Variants in LRRTM4 observed in about 807,000 individuals in gnomAD.
LRRTM4 encodes the protein leucine-rich repeat transmembrane neuronal protein 4.
LRRTM4 carries 25 observed loss-of-function variants against 47.6 expected under a neutral mutation model. The observed-to-expected ratio is 0.53, with a 90% CI of 0.38 to 0.73. The LOEUF (loss-of-function observed/expected upper bound fraction) is 0.73, where lower values mean the gene tolerates loss of function less well. LRRTM4 is among the 30% of genes least tolerant of loss of function. The pLI is 0.00. For missense variants in LRRTM4, 638 were observed against 713.4 expected (o/e 0.89, Z 1.20); for synonymous variants, 311 against 269.5 (o/e 1.15, Z -1.51).
chr2:77,277,538 C>T lies in LRRTM4; in HGVS notation c.1551+240780G>A, dbSNP rs964312886. On this transcript the variant is annotated intron_variant, in intron 3 of 3. Coordinates refer to ENST00000409884, the MANE Select transcript of LRRTM4 (RefSeq NM_001134745.3). ...CAGATTTTCCATTTCTTTTCTCTACCAGCTTTCATCAAGAGAAAGTGAAGG... is the reference window on the plus strand; with the variant it reads ...CAGATTTTCCATTTCTTTTCTCTACTAGCTTTCATCAAGAGAAAGTGAAGG... Among the ~76,000 whole-genome samples the T allele has an allele frequency of 2.0e-5, 3 of 151,818 alleles. No individual in the cohort carries two copies. The Admixed American group carries it at 2.0e-4, about 10-fold the overall frequency.
At chr2:77,379,930 T>C (rs1672987687) in intron 3 of LRRTM4, among the ~76,000 whole-genome samples, 1 of 152,136 alleles carries the variant, frequency 6.6e-6, no homozygotes, top group Non-Finnish European at 1.5e-5. Flanking sequence ...TATTGTTTCA[T>C]AATTTACAGT....
chr2:76,762,313 C>T (rs1278565832), intron 3 of LRRTM4, among the ~76,000 whole-genome samples: 2 of 152,128 alleles, frequency 1.3e-5, no homozygotes, highest in African/African-American at 4.8e-5. Flanking sequence ...TTTTTCCTGG[C>T]CATCACCCAG....
chr2:77,191,547 T>C (rs1220626188), intron 3 of LRRTM4, among the ~76,000 whole-genome samples: 1 of 151,810 alleles, frequency 6.6e-6, no homozygotes, highest in African/African-American at 2.4e-5. Flanking sequence ...AAGTCACTAA[T>C]ACCAATTAAA....
intron 3 of LRRTM4, chr2:76,987,304 G>T (rs1676835683): frequency 6.6e-6 from 1 of 150,664 alleles, no homozygotes; most frequent in South Asian, 2.1e-4. Flanking sequence ...GTGACAAAGT[G>T]CACACTTTTC....
chr2:77,507,346 T>A lies in LRRTM4; in HGVS notation c.1551+10972A>T, dbSNP rs551091623. Among the ~76,000 whole-genome samples, 43 of 152,266 alleles carry A rather than the reference T, an allele frequency of 2.8e-4. No individual in the cohort carries two copies. The South Asian group carries it at 6.6e-3, about 23-fold the overall frequency. ...AAAACTCAGTGAGAAAGAGAATGAA[T>A]GCTATCTTCTTTCTGGCCCAAAGAT... On this transcript the variant is annotated intron_variant, in intron 3 of 3. Coordinates refer to ENST00000409884, the MANE Select transcript of LRRTM4 (RefSeq NM_001134745.3).
chr2:77,232,008 T>C (rs865982961), intron 3 of LRRTM4, among the ~76,000 whole-genome samples: 1 of 152,244 alleles, frequency 6.6e-6, no homozygotes, highest in Non-Finnish European at 1.5e-5. Flanking sequence ...AGATACATTT[T>C]CAAATAAATT....
At chr2:76,769,593 A>G (rs116334678) in intron 3 of LRRTM4, among the ~76,000 whole-genome samples, 184 of 152,290 alleles carry the variant, frequency 1.2e-3, no homozygotes, top group African/African-American at 4.3e-3. Flanking sequence ...AGTGTGTCCA[A>G]TGTTCTTTAT....
At chr2:77,475,742 C>T (rs1016952030) in intron 3 of LRRTM4, among the ~76,000 whole-genome samples, 1 of 45,068 alleles carries the variant, frequency 2.2e-5, no homozygotes, top group African/African-American at 8.2e-5. Flanking sequence ...TAAATAGTTA[C>T]TAATCTGGCA....
intron 3 of LRRTM4, among the ~76,000 whole-genome samples, chr2:76,876,096 T>A (rs1167847359): frequency 6.6e-6 from 1 of 152,100 alleles, no homozygotes; most frequent in Non-Finnish European, 1.5e-5. Flanking sequence ...GTGTTTTCCC[T>A]TGAGGTAAGA....
At chr2:77,094,744 A>G (rs866065872) in intron 3 of LRRTM4, among the ~76,000 whole-genome samples, 7 of 152,210 alleles carry the variant, frequency 4.6e-5, no homozygotes, top group Admixed American at 4.6e-4. Flanking sequence ...AAAGAATGAA[A>G]TTGGATACTT....
intron 3 of LRRTM4, among the ~76,000 whole-genome samples, chr2:76,822,409 G>A (rs1671078251): frequency 6.6e-6 from 1 of 151,016 alleles, no homozygotes; most frequent in Admixed American, 6.6e-5. Flanking sequence ...ATCAAAAAGA[G>A]GACAAGAGAG....
At chr2:76,755,361 A>T (rs753087521) in intron 3 of LRRTM4, among the ~76,000 whole-genome samples, 13 of 152,186 alleles carry the variant, frequency 8.5e-5, no homozygotes, top group Non-Finnish European at 1.8e-4. Flanking sequence ...TAAGCTCAAA[A>T]GTTAACTGTT....
intron 3 of LRRTM4, among the ~76,000 whole-genome samples, chr2:77,245,826 T>A (rs553622462): frequency 3.1e-4 from 47 of 152,322 alleles, no homozygotes; most frequent in Non-Finnish European, 5.9e-4. Context: ...TTTGTAGAGA[T>A]GCAATTTTAG....
chr2:77,126,095 TAC>T (rs1271730203), intron 3 of LRRTM4, among the ~76,000 whole-genome samples: 1 of 151,878 alleles, frequency 6.6e-6, no homozygotes, highest in Non-Finnish European at 1.5e-5. Context: ...AAATAACTGT[TAC>T]AGTCTCAAGA....
intron 3 of LRRTM4, among the ~76,000 whole-genome samples, chr2:77,124,266 T>C (rs769501529): frequency 1.4e-4 from 22 of 152,048 alleles, no homozygotes; most frequent in South Asian, 2.1e-4. Flanking sequence ...AAGAGACTGA[T>C]AGAATGTGGA....
At chr2:77,309,775 A>G (rs1427826930) in intron 3 of LRRTM4, among the ~76,000 whole-genome samples, 1 of 152,222 alleles carries the variant, frequency 6.6e-6, no homozygotes, top group Non-Finnish European at 1.5e-5. Context: ...CACCACAGCA[A>G]AAAGCTAAAA....
At chr2:77,499,351 G>A (rs1379958829) in intron 3 of LRRTM4, among the ~76,000 whole-genome samples, 8 of 151,856 alleles carry the variant, frequency 5.3e-5, no homozygotes, top group African/African-American at 1.9e-4. Flanking sequence ...GTGTCAATGG[G>A]AAGAAGAACT....
intron 3 of LRRTM4, among the ~76,000 whole-genome samples, chr2:76,767,417 A>G (rs1464052094): frequency 6.6e-6 from 1 of 152,170 alleles, no homozygotes; most frequent in African/African-American, 2.4e-5. Flanking sequence ...TCGGGTAGTA[A>G]TAGGATTCCC....
At chr2:77,225,105 A>G (rs1381637148) in intron 3 of LRRTM4, among the ~76,000 whole-genome samples, 1 of 151,558 alleles carries the variant, frequency 6.6e-6, no homozygotes, top group East Asian at 1.9e-4. Context: ...TCAGCAAACT[A>G]TCACAAGGAC....
Sources: gnomAD v4.1 joint callset for allele counts (sites outside exome capture counted in the v4.1 genomes callset) on GRCh38, gnomAD v4.1.1 for gene constraint, MANE v1.5 for transcripts, NCBI Gene and HGNC (gene_info 2026-07-23, HGNC 2026-07-21) for gene names.